MECOM: variants seen among roughly 807,000 people sequenced by gnomAD.
MECOM encodes histone-lysine N-methyltransferase MECOM.
A neutral mutation model predicts 116.3 loss-of-function variants in MECOM; 13 were observed. The ratio of observed to expected loss-of-function variants is 0.11; its 90% CI spans 0.07 to 0.18. The LOEUF (loss-of-function observed/expected upper bound fraction) is 0.18. Ranked by LOEUF, MECOM falls within the 10% of genes least tolerant of loss-of-function variation. MECOM has a pLI of 1.00. For synonymous variants in MECOM, 528 were observed against 535.2 expected (o/e 0.99, Z 0.19); for missense variants, 1,299 against 1,509.0 (o/e 0.86, Z 2.31).
intron 4 of MECOM, among the ~76,000 whole-genome samples, chr3:169,130,068 G>A (rs1345721577): frequency 7.0e-6 from 1 of 143,696 alleles, no homozygotes; most frequent in Non-Finnish European, 1.5e-5. Context: ...ATGTATGGAT[G>A]TAAACATGAT....
chr3:169,193,424 G>C (rs1427655916), intron 2 of MECOM, among the ~76,000 whole-genome samples: 1 of 151,832 alleles, frequency 6.6e-6, no homozygotes, highest in Non-Finnish European at 1.5e-5. Context: ...ATGGGCCAAT[G>C]GCTGTCTTTC....
intron 2 of MECOM, among the ~76,000 whole-genome samples, chr3:169,188,236 A>G (rs1288727720): frequency 6.6e-6 from 1 of 152,110 alleles, no homozygotes; most frequent in Non-Finnish European, 1.5e-5. Flanking sequence ...TAATGTCAGC[A>G]TATCTCCTAC....
chr3:169,150,463 TA>T (rs1342064790), intron 2 of MECOM, among the ~76,000 whole-genome samples: 1 of 152,256 alleles, frequency 6.6e-6, no homozygotes, highest in Non-Finnish European at 1.5e-5. Flanking sequence ...CAGTAATCAG[TA>T]ACATGCGTGT....
At chr3:169,214,713 C>G (rs1030782213) in intron 2 of MECOM, among the ~76,000 whole-genome samples, 1 of 150,754 alleles carries the variant, frequency 6.6e-6, no homozygotes, top group Non-Finnish European at 1.5e-5. Context: ...AGGGTGCCAA[C>G]AAACTGATTA....
intron 1 of MECOM, among the ~76,000 whole-genome samples, chr3:169,396,612 T>A (rs1560220235): frequency 6.6e-6 from 1 of 152,236 alleles, no homozygotes; most frequent in Non-Finnish European, 1.5e-5. Context: ...AAAATTACTA[T>A]GTGGCTCACA....
chr3:169,279,320 A>G (rs1387746753), intron 2 of MECOM, among the ~76,000 whole-genome samples: 1 of 152,174 alleles, frequency 6.6e-6, no homozygotes, highest in Non-Finnish European at 1.5e-5. Context: ...TGTCTGGAAC[A>G]TTGGAATTAG....
intron 1 of MECOM, among the ~76,000 whole-genome samples, chr3:169,410,316 T>C (rs1349785894): frequency 6.6e-6 from 1 of 152,242 alleles, no homozygotes; most frequent in Non-Finnish European, 1.5e-5. Flanking sequence ...CAGTAGTTTT[T>C]AAAATATCAA....
chr3:169,653,022 GTGAGGGGTC>G (rs1775104079), intron 1 of MECOM, among the ~76,000 whole-genome samples: 1 of 152,178 alleles, frequency 6.6e-6, no homozygotes, highest in South Asian at 2.1e-4. Context: ...TGTGATTTAA[GTGAGGGGTC>G]ATGGGCAATA....
At chr3:169,503,494 A>T (rs1426606479) in intron 1 of MECOM, among the ~76,000 whole-genome samples, 1 of 152,244 alleles carries the variant, frequency 6.6e-6, no homozygotes, top group East Asian at 1.9e-4. Context: ...GAACCAGAAA[A>T]GCCTTGCATT....
intron 12 of MECOM, 38 bp downstream of exon 12, chr3:169,100,847 A>G (rs1478336633): frequency 4.9e-6 from 6 of 1,226,566 alleles, no homozygotes; most frequent in Non-Finnish European, 6.6e-6. Flanking sequence ...AATTATTACA[A>G]TATTTATCAA....
At chr3:169,607,834 G>A (rs903531066) in intron 1 of MECOM, among the ~76,000 whole-genome samples, 1 of 152,174 alleles carries the variant, frequency 6.6e-6, no homozygotes, top group African/African-American at 2.4e-5. Context: ...TTGCGTAAGC[G>A]CTTTCAAGAA....
intron 1 of MECOM, among the ~76,000 whole-genome samples, chr3:169,537,161 T>C (rs1197754586): frequency 6.6e-6 from 1 of 152,182 alleles, no homozygotes; most frequent in African/African-American, 2.4e-5. Flanking sequence ...CTGTTCAAAC[T>C]TTACCCAACA....
At chr3:169,352,135 T>A (rs1365888017) in intron 2 of MECOM, among the ~76,000 whole-genome samples, 1 of 151,906 alleles carries the variant, frequency 6.6e-6, no homozygotes, top group Non-Finnish European at 1.5e-5. Flanking sequence ...ATCATTCAAA[T>A]CTGATACGTT....
rs554851078 is a variant in MECOM, at chr3:169,387,289, C to T, written c.38-5765G>A. 1.6e-4 allele frequency among the ~76,000 whole-genome samples: 25 copies of T among 152,274 alleles called. No individual in the cohort carries two copies. In the East Asian group the frequency reaches 2.5e-3, roughly 15 times the overall value. The stretch of plus-strand genomic sequence containing the variant: ...AAAAAAATGATTTCATTTATTTGAG[C>T]GCCTGTGAACGGCAGGCTAGAAAAA... On this transcript the variant is annotated intron_variant, in intron 1 of 16. Coordinates refer to ENST00000651503, the MANE Select transcript of MECOM (RefSeq NM_004991.4).
intron 1 of MECOM, among the ~76,000 whole-genome samples, chr3:169,625,940 T>A (rs2109931395): frequency 6.6e-6 from 1 of 152,336 alleles, no homozygotes; most frequent in South Asian, 2.1e-4. Context: ...AAATTACCCA[T>A]CCAAAAACTA....
At chr3:169,241,847 C>T (rs1388069870) in intron 2 of MECOM, among the ~76,000 whole-genome samples, 2 of 152,106 alleles carry the variant, frequency 1.3e-5, no homozygotes, top group Non-Finnish European at 2.9e-5. Context: ...TCTTTATAGT[C>T]TTTAAGCTTC....
In MECOM at chr3:169,617,622, C is replaced by T. The variant is rs115127195; in HGVS notation, c.37+45714G>A. Among the ~76,000 whole-genome samples, 895 of 152,296 alleles carry T rather than the reference C, an allele frequency of 5.9e-3. 10 individuals are homozygous for T. Among genetic ancestry groups the T allele is most frequent in the African/African-American group, 0.021 (862 of 41,560 alleles). ...CAAAGCAGAGTTAGAGAAAAGCTGA[C>T]ATCACTTATAAAACTTGGTCTGCGG... On this transcript the variant is annotated intron_variant, in intron 1 of 16. Coordinates refer to ENST00000651503, the MANE Select transcript of MECOM (RefSeq NM_004991.4).
chr3:169,278,131 T>C lies in MECOM; in HGVS notation c.375+103056A>G, dbSNP rs150172477. ...CTAATAACAATGTATAGGGATCTTA[T>C]TTGTTCATTTTCTTCATGTTTTTCA... On this transcript the variant is annotated intron_variant, in intron 2 of 16. Coordinates refer to ENST00000651503, the MANE Select transcript of MECOM (RefSeq NM_004991.4). Among the ~76,000 whole-genome samples, 323 of 152,338 alleles carry C rather than the reference T, an allele frequency of 2.1e-3. 3 individuals are homozygous for C. Among genetic ancestry groups the C allele is most frequent in the African/African-American group, 7.1e-3 (297 of 41,582 alleles).
intron 2 of MECOM, chr3:169,146,109 T>C: frequency 2.3e-6 from 1 of 430,204 alleles, no homozygotes; most frequent in African/African-American, 2.0e-5. Context: ...CACACTCCTG[T>C]GTTTTTAAAA....
Sources: gnomAD v4.1 joint callset for allele counts (sites outside exome capture counted in the v4.1 genomes callset) on GRCh38, gnomAD v4.1.1 for gene constraint, MANE v1.5 for transcripts, NCBI Gene and HGNC (gene_info 2026-07-23, HGNC 2026-07-21) for gene names.